Variants in LHX2 observed in about 807,000 individuals in gnomAD.
LHX2 encodes the protein LIM homeobox 2.
In LHX2, 6 loss-of-function variants were observed where a neutral mutation model predicts 33.0. The ratio of observed to expected loss-of-function variants is 0.18; its 90% CI spans 0.10 to 0.36. The LOEUF (loss-of-function observed/expected upper bound fraction) is 0.36. Ranked by LOEUF, LHX2 falls within the 10% of genes least tolerant of loss-of-function variation. The pLI is 1.00. For synonymous variants in LHX2, 292 were observed against 253.1 expected (o/e 1.15, Z -1.46); for missense variants, 442 against 586.2 (o/e 0.75, Z 2.54).
chr9:124,012,306 C>G lies in LHX2; in HGVS notation c.-43C>G, dbSNP rs563485024. The G allele has an allele frequency of 3.4e-4, 497 of 1,472,826 alleles. 1 individual carries two copies. In the African/African-American group the frequency reaches 5.6e-3, roughly 17 times the overall value. 91.2% of individuals were successfully genotyped at this position (1,472,826 alleles called of 1,614,324 possible). On this transcript the variant is annotated 5_prime_UTR_variant, in exon 1 of 5. Coordinates refer to ENST00000373615, the MANE Select transcript of LHX2 (RefSeq NM_004789.4). This position sits in a 1 kb window ranked among gnomAD's most constrained non-coding sequence, Gnocchi z 4.3. ...GCAGCTGAGGCGGGGGGCAAGCCCT[C>G]CCTCGGAGGAGCCGCGCCCCCGGCC...
chr9:124,032,560 C>T lies in LHX2; in HGVS notation c.1074C>T (p.Leu358=). Residue 358 remains leucine (L), a synonymous_variant, in exon 5 of 5, where the codon CTC becomes CTT. Transcript: ENST00000373615. The surrounding 1 kb of genome is among the most constrained non-coding windows in gnomAD (Gnocchi z 4.1). The stretch of plus-strand genomic sequence containing the variant: ...CCTCGGAGCTCTCCAACGCCTCGCT[C>T]AGCCCCTCCAGCACGCCCACCACCC... ...GPASELSNAS[L]SPSSTPTTLT... 3.1e-6 allele frequency: 5 copies of T among 1,614,178 alleles called. No individual in the cohort carries two copies. The highest frequency in any genetic ancestry group is 4.2e-6 in the Non-Finnish European group (5 of 1,180,024).
At chr9:124,026,185 G>A (rs535196613) in intron 4 of LHX2, among the ~76,000 whole-genome samples, 23 of 152,122 alleles carry the variant, frequency 1.5e-4, no homozygotes, top group Non-Finnish European at 2.9e-4. Flanking sequence ...CTGGCTGGGC[G>A]TGGTGGCTCA....
At position 124,016,886 on chromosome 9, in the gene LHX2, G is replaced by T. The variant is rs570408952; in HGVS notation, c.727+1361G>T. Among the ~76,000 whole-genome samples the T allele has an allele frequency of 2.6e-5, 4 of 152,212 alleles. No individual in the cohort carries two copies. The South Asian group carries it at 8.3e-4, about 32-fold the overall frequency. On this transcript the variant is annotated intron_variant, in intron 3 of 4. Transcript: ENST00000373615. The surrounding 1 kb of genome is among the most constrained non-coding windows in gnomAD (Gnocchi z 4.4). ...AAAAGACAAAACCGAGTTCAGACCG[G>T]CTCCCCCAACACCAAGCCGCTTCTA... is the stretch of plus-strand genomic sequence containing the variant.
chr9:124,023,835 G>A (rs572744241), intron 4 of LHX2, among the ~76,000 whole-genome samples: 2 of 152,292 alleles, frequency 1.3e-5, no homozygotes, highest in Admixed American at 1.3e-4. Context: ...TCACCTGTTA[G>A]GTATAGACAC....
chr9:124,019,613 A>G (rs528735956), intron 3 of LHX2, among the ~76,000 whole-genome samples: 4 of 152,352 alleles, frequency 2.6e-5, no homozygotes, highest in Non-Finnish European at 5.9e-5. Flanking sequence ...CATTTTTAGT[A>G]TAGGTATGTC....
chr9:124,028,099 G>A (rs1284414185), intron 4 of LHX2, among the ~76,000 whole-genome samples: 1 of 152,206 alleles, frequency 6.6e-6, no homozygotes, highest in Non-Finnish European at 1.5e-5. Flanking sequence ...AGCATCCCAG[G>A]TGGGGATTTG....
rs1859147250 is a variant in LHX2 at position 124,014,288 on chromosome 9, C to A, written c.323+125C>A. On this transcript the variant is annotated intron_variant, in intron 2 of 4. Coordinates refer to ENST00000373615, the MANE Select transcript of LHX2 (RefSeq NM_004789.4). This position sits in a 1 kb window ranked among gnomAD's most constrained non-coding sequence, Gnocchi z 4.8. ...GTTCACTACTCAGGACTCCCCCGCT[C>A]CCCCCCCAAGTTCTCCAAGCCACCA... 6.6e-6 allele frequency: 4 copies of A among 603,248 alleles called. No individual in the cohort carries two copies. Among genetic ancestry groups the A allele is most frequent in the East Asian group, 5.9e-5 (2 of 34,034 alleles). The allele number at this position is 603,248 out of a possible 1,614,324, so 37.4% of individuals were successfully genotyped here. A position where few individuals can be genotyped will look rare whatever the true frequency, so the allele number is the denominator to read the frequency against.
intron 4 of LHX2, chr9:124,031,691 T>A (rs1470615406): frequency 6.6e-6 from 1 of 152,270 alleles, no homozygotes. Flanking sequence ...TTTCGACATG[T>A]AATCAATATA....
chr9:124,029,466 A>G (rs570495842), intron 4 of LHX2, among the ~76,000 whole-genome samples: 1 of 152,280 alleles, frequency 6.6e-6, no homozygotes, highest in South Asian at 2.1e-4. Context: ...ACAACCCCAG[A>G]GCAGCCGGGC....
In LHX2 at chr9:124,016,316, C is replaced by G. The variant is rs1052916546; in HGVS notation, c.727+791C>G. On this transcript the variant is annotated intron_variant, in intron 3 of 4. Transcript: ENST00000373615. The surrounding 1 kb of genome is among the most constrained non-coding windows in gnomAD (Gnocchi z 4.4). ...GCCATTCCCGGAGAAGCTCTGCCCCCTCCCGCGCCCCTCCCTGCTCAGGAC... is the reference window on the plus strand; with the variant it reads ...GCCATTCCCGGAGAAGCTCTGCCCCGTCCCGCGCCCCTCCCTGCTCAGGAC... 1.3e-5 allele frequency among the ~76,000 whole-genome samples: 2 copies of G among 152,178 alleles called. No individual in the cohort carries two copies. Among genetic ancestry groups the G allele is most frequent in the African/African-American group, 2.4e-5 (1 of 41,446 alleles).
intron 4 of LHX2, among the ~76,000 whole-genome samples, chr9:124,031,292 G>A (rs888345127): frequency 1.3e-5 from 2 of 152,164 alleles, no homozygotes; most frequent in Admixed American, 6.5e-5. Flanking sequence ...GATAGGTTCC[G>A]TGTCTTTCAC....
In LHX2 at chr9:124,014,248, T is replaced by G; in HGVS notation, c.323+85T>G. 2 of 845,782 alleles carry G rather than the reference T, an allele frequency of 2.4e-6. No homozygotes were observed. The highest frequency in any genetic ancestry group is 3.9e-6 in the Non-Finnish European group (2 of 517,366). The allele number at this position is 845,782 out of a possible 1,614,324, so 52.4% of individuals were successfully genotyped here. The stretch of plus-strand genomic sequence containing the variant: ...ACAGTTTGGCCCTCTCCTTTCCGTT[T>G]AGTCCCAGGAGAGGGTTCACTACTC... On this transcript the variant is annotated intron_variant, in intron 2 of 4. Coordinates refer to ENST00000373615, the MANE Select transcript of LHX2 (RefSeq NM_004789.4). The surrounding 1 kb of genome is among the most constrained non-coding windows in gnomAD (Gnocchi z 4.8).
In LHX2 at chr9:124,032,409, G is replaced by A. The variant is rs757193576; in HGVS notation, c.934-11G>A. The A allele has an allele frequency of 3.2e-6, 5 of 1,571,112 alleles. No homozygotes were observed. The highest frequency in any genetic ancestry group is 1.3e-5 in the African/African-American group (1 of 74,600). Reference sequence around the variant, plus strand: ...TTCCGCTCACCAGCCCTTCCCTGTCGTCCCCCGCAGGTCTGGTTCCAGAAC... The same window carrying A: ...TTCCGCTCACCAGCCCTTCCCTGTCATCCCCCGCAGGTCTGGTTCCAGAAC... On this transcript the variant is annotated splice_polypyrimidine_tract_variant and intron_variant, in intron 4 of 4. Coordinates refer to ENST00000373615, the MANE Select transcript of LHX2 (RefSeq NM_004789.4). The surrounding 1 kb of genome is among the most constrained non-coding windows in gnomAD (Gnocchi z 4.1).
At chr9:124,022,408 C>T (rs1380417944) in intron 4 of LHX2, among the ~76,000 whole-genome samples, 2 of 152,186 alleles carry the variant, frequency 1.3e-5, no homozygotes, top group Non-Finnish European at 2.9e-5. Context: ...ATCAGTTTCC[C>T]CATTCGTACA....
rs577760718 is a variant in LHX2, at chr9:124,014,297, A to G, written c.323+134A>G. 52 of 600,342 alleles carry G rather than the reference A, an allele frequency of 8.7e-5. 3 individuals are homozygous for G. The East Asian group carries it at 1.5e-3, about 17-fold the overall frequency. The allele number at this position is 600,342 out of a possible 1,614,324, so 37.2% of individuals were successfully genotyped here. Reference sequence around the variant, plus strand: ...TCAGGACTCCCCCGCTCCCCCCCCAAGTTCTCCAAGCCACCACAAGTTGGG... The same window carrying G: ...TCAGGACTCCCCCGCTCCCCCCCCAGGTTCTCCAAGCCACCACAAGTTGGG... On this transcript the variant is annotated intron_variant, in intron 2 of 4. Coordinates refer to ENST00000373615, the MANE Select transcript of LHX2 (RefSeq NM_004789.4). The surrounding 1 kb of genome is among the most constrained non-coding windows in gnomAD (Gnocchi z 4.8).
At chr9:124,020,697 C>T (rs1859276768) in intron 3 of LHX2, among the ~76,000 whole-genome samples, 1 of 152,214 alleles carries the variant, frequency 6.6e-6, no homozygotes, top group Middle Eastern at 3.4e-3. Context: ...CCTGGTGCTC[C>T]TAGGATTGTT....
intron 4 of LHX2, among the ~76,000 whole-genome samples, chr9:124,023,782 G>A (rs1386605435): frequency 6.6e-6 from 1 of 152,114 alleles, no homozygotes; most frequent in Non-Finnish European, 1.5e-5. Flanking sequence ...CAGGCCTTGG[G>A]GACACAGAGA....
intron 4 of LHX2, among the ~76,000 whole-genome samples, chr9:124,028,235 C>A (rs1284602807): frequency 1.3e-5 from 2 of 152,186 alleles, no homozygotes; most frequent in Admixed American, 6.5e-5. Flanking sequence ...GGGCAAGAAG[C>A]AACGTGTGCT....
At chr9:124,029,245 T>C (rs1051074450) in intron 4 of LHX2, among the ~76,000 whole-genome samples, 2 of 152,214 alleles carry the variant, frequency 1.3e-5, no homozygotes, top group African/African-American at 4.8e-5. Context: ...GCATGGAGCC[T>C]GGCACATAGT....
Sources: allele counts gnomAD v4.1 joint callset (sites outside exome capture counted in the v4.1 genomes callset), GRCh38; gene constraint gnomAD v4.1.1; non-coding constraint Gnocchi (gnomAD v3.1); transcripts MANE v1.5; gene names NCBI Gene and HGNC (gene_info 2026-07-23, HGNC 2026-07-21).